The following NELL1 variants were observed in gnomAD, a reference collection of about 807,000 sequenced individuals.
The protein encoded by NELL1 is neural EGFL like 1.
A neutral mutation model predicts 107.4 loss-of-function variants in NELL1; 76 were observed. The ratio of observed to expected loss-of-function variants is 0.71; its 90% CI spans 0.59 to 0.86. The LOEUF is 0.86. NELL1 is among the 40% of genes least tolerant of loss of function. NELL1 has a pLI of 0.00. For synonymous variants in NELL1, 353 were observed against 341.2 expected (o/e 1.03, Z -0.38); for missense variants, 1,024 against 1,005.5 (o/e 1.02, Z -0.25).
At chr11:21,303,418 T>C (rs1251890806) in intron 14 of NELL1, among the ~76,000 whole-genome samples, 1 of 152,040 alleles carries the variant, frequency 6.6e-6, no homozygotes, top group African/African-American at 2.4e-5. Flanking sequence ...ATAACCACAA[T>C]GAGATATTAT....
At chr11:20,916,031 G>T (rs1399043629) in intron 5 of NELL1, among the ~76,000 whole-genome samples, 1 of 151,574 alleles carries the variant, frequency 6.6e-6, no homozygotes, top group Non-Finnish European at 1.5e-5. Context: ...ATCCAGCATT[G>T]ACTTACAACC....
chr11:20,808,379 T>A (rs1444690741), intron 3 of NELL1, among the ~76,000 whole-genome samples: 1 of 152,192 alleles, frequency 6.6e-6, no homozygotes, highest in Non-Finnish European at 1.5e-5. Context: ...TGAGCTGGTA[T>A]CCAAGTTGCA....
At chr11:20,858,841 C>A (rs7945811) in intron 4 of NELL1, among the ~76,000 whole-genome samples, 1 of 151,986 alleles carries the variant, frequency 6.6e-6, no homozygotes, top group African/African-American at 2.4e-5. Context: ...TCCTCCAGGG[C>A]ACATGTGTAC....
At chr11:21,345,547 A>C (rs1444321668) in intron 14 of NELL1, among the ~76,000 whole-genome samples, 2 of 152,184 alleles carry the variant, frequency 1.3e-5, no homozygotes, top group Non-Finnish European at 2.9e-5. Flanking sequence ...TGCTCAGGGA[A>C]AGATGCTGGG....
chr11:21,214,261 A>C (rs1279489448), intron 13 of NELL1, among the ~76,000 whole-genome samples: 1 of 152,176 alleles, frequency 6.6e-6, no homozygotes, highest in Admixed American at 6.5e-5. Flanking sequence ...CAGCACTCAA[A>C]ATGTTTTGAA....
intron 14 of NELL1, among the ~76,000 whole-genome samples, chr11:21,337,067 A>T (rs962571286): frequency 6.6e-6 from 1 of 152,100 alleles, no homozygotes; most frequent in Admixed American, 6.6e-5. Flanking sequence ...AGAATTCTTC[A>T]TGCAAGTAGA....
rs564202120 is a variant in NELL1 at position 20,854,296 on chromosome 11, T to G, written c.506+6543T>G. Among the ~76,000 whole-genome samples the G allele has an allele frequency of 9.4e-4, 143 of 152,302 alleles. 1 individual carries two copies. Among genetic ancestry groups the G allele is most frequent in the Non-Finnish European group, 2.1e-4 (14 of 68,012 alleles). On this transcript the variant is annotated intron_variant, in intron 4 of 19. Transcript: ENST00000357134. ...GGGCTTTAGCTTCCTAAGTATAAAA[T>G]GTGGGGCTAGGACTAGATGACTTTT...
At chr11:21,480,705 T>A (rs1212049718) in intron 15 of NELL1, among the ~76,000 whole-genome samples, 1 of 152,220 alleles carries the variant, frequency 6.6e-6, no homozygotes, top group Non-Finnish European at 1.5e-5. Flanking sequence ...CACCAGAAAC[T>A]GCTCATTAGT....
intron 12 of NELL1, among the ~76,000 whole-genome samples, chr11:21,109,900 T>C (rs1279933192): frequency 6.6e-6 from 1 of 152,150 alleles, no homozygotes; most frequent in Non-Finnish European, 1.5e-5. Context: ...TCTTCTGGGT[T>C]GTGTGTTTCC....
At chr11:21,565,663 C>T (rs1370583353) in intron 17 of NELL1, among the ~76,000 whole-genome samples, 1 of 151,876 alleles carries the variant, frequency 6.6e-6, no homozygotes, top group Non-Finnish European at 1.5e-5. Context: ...CCTCACGATA[C>T]AAAAGGTGCA....
At chr11:21,027,634 G>T (rs1304463045) in intron 12 of NELL1, among the ~76,000 whole-genome samples, 2 of 152,124 alleles carry the variant, frequency 1.3e-5, no homozygotes, top group Non-Finnish European at 2.9e-5. Flanking sequence ...CTCTCTCAGA[G>T]TTGGCAGATC....
intron 11 of NELL1, among the ~76,000 whole-genome samples, chr11:20,956,984 A>C (rs574664986): frequency 4.5e-4 from 68 of 151,872 alleles, no homozygotes; most frequent in African/African-American, 1.5e-3. Context: ...GATGGCAGTA[A>C]GGGGGAGAAA....
intron 14 of NELL1, among the ~76,000 whole-genome samples, chr11:21,316,912 G>T (rs904841991): frequency 6.6e-6 from 1 of 152,036 alleles, no homozygotes; most frequent in Non-Finnish European, 1.5e-5. Context: ...CACAAAGGCT[G>T]GGGTGGGAAC....
intron 2 of NELL1, among the ~76,000 whole-genome samples, chr11:20,717,973 G>A (rs1201742201): frequency 6.6e-6 from 1 of 152,118 alleles, no homozygotes; most frequent in African/African-American, 2.4e-5. Flanking sequence ...AGGTTTGTTT[G>A]TTTTTCACTT....
intron 13 of NELL1, among the ~76,000 whole-genome samples, chr11:21,179,862 CTT>C (rs1164420669): frequency 1.1e-4 from 8 of 75,702 alleles, no homozygotes; most frequent in South Asian, 6.0e-4. Context: ...AATCAACACA[CTT>C]TTTTTTTTTT....
intron 14 of NELL1, among the ~76,000 whole-genome samples, chr11:21,277,017 G>A (rs1192547170): frequency 3.3e-5 from 5 of 151,206 alleles, no homozygotes; most frequent in East Asian, 3.9e-4. Context: ...AACACCAAAA[G>A]CAATGGCAAC....
chr11:21,405,432 CT>C (rs1439583358), intron 15 of NELL1, among the ~76,000 whole-genome samples: 2 of 152,002 alleles, frequency 1.3e-5, no homozygotes, highest in Non-Finnish European at 2.9e-5. Flanking sequence ...AGATTTGTCA[CT>C]GTGTTCTGTG....
At chr11:21,559,596 G>T (rs753418849) in intron 16 of NELL1, among the ~76,000 whole-genome samples, 1 of 152,050 alleles carries the variant, frequency 6.6e-6, no homozygotes, top group Non-Finnish European at 1.5e-5. Context: ...TGGCCATAAG[G>T]ATAGTAAGAC....
At chr11:21,290,107 C>T (rs532054047) in intron 14 of NELL1, among the ~76,000 whole-genome samples, 12 of 152,240 alleles carry the variant, frequency 7.9e-5, no homozygotes, top group Middle Eastern at 3.4e-3. Flanking sequence ...CGGTGGCTCA[C>T]GCCTGTAATC....
Sources: gnomAD v4.1 joint callset for allele counts (sites outside exome capture counted in the v4.1 genomes callset) on GRCh38, gnomAD v4.1.1 for gene constraint, MANE v1.5 for transcripts, NCBI Gene and HGNC (gene_info 2026-07-23, HGNC 2026-07-21) for gene names.